The following SH3KBP1 variants were observed in gnomAD, a reference collection of about 807,000 sequenced individuals.
SH3KBP1 encodes SH3 domain-containing kinase-binding protein 1.
A neutral mutation model predicts 50.1 loss-of-function variants in SH3KBP1; 8 were observed. The observed-to-expected ratio is 0.16, with a 90% CI of 0.09 to 0.29. SH3KBP1 has a LOEUF of 0.29. SH3KBP1 is among the 10% of genes least tolerant of loss of function. The pLI is 1.00. For missense variants in SH3KBP1, 377 were observed against 535.2 expected, an observed-to-expected ratio of 0.70 and a Z score of 2.92; for synonymous variants, 227 against 218.6, an observed-to-expected ratio of 1.04 and a Z score of -0.34.
chrX:19,557,039 T>A (rs900342316), intron 13 of SH3KBP1, among the ~76,000 whole-genome samples: 2 of 111,529 alleles, frequency 1.8e-5, no homozygotes, highest in Non-Finnish European at 3.8e-5. Context: ...ATGCTTCGCA[T>A]GCACACACCC....
chrX:19,703,381 GT>G (rs2148663515), intron 4 of SH3KBP1, among the ~76,000 whole-genome samples: 1 of 110,940 alleles, frequency 9.0e-6, no homozygotes, highest in Admixed American at 9.6e-5. Context: ...AAGATAAGGG[GT>G]TGGAGGCGGG....
chrX:19,798,720 A>G (rs1017054230), intron 2 of SH3KBP1, among the ~76,000 whole-genome samples: 7 of 112,158 alleles, frequency 6.2e-5, no homozygotes, highest in African/African-American at 2.3e-4. Context: ...ACTGACCATG[A>G]GAACTTGGTG....
chrX:19,811,916 A>G (rs2067217230), intron 2 of SH3KBP1, among the ~76,000 whole-genome samples: 1 of 111,753 alleles, frequency 8.9e-6, no homozygotes, highest in Admixed American at 9.5e-5. Context: ...CAGTGTAAAG[A>G]GGACATAGTC....
rs769589781 is a variant in SH3KBP1, at chrX:19,663,849, G to A, written c.727-18374C>T. The stretch of plus-strand genomic sequence containing the variant: ...GCCTGTAATCCTAGCATTTTGGGAA[G>A]CCAAGGCAAGAGGACCACCTGACGC... On this transcript the variant is annotated intron_variant, in intron 6 of 17. Transcript: ENST00000397821. 4.0e-3 allele frequency among the ~76,000 whole-genome samples: 448 copies of A among 112,293 alleles called. 1 individual carries two copies. Among genetic ancestry groups the A allele is most frequent in the Non-Finnish European group, 6.4e-3 (342 of 53,246 alleles).
chrX:19,542,444 A>G (rs1290159033), intron 15 of SH3KBP1, among the ~76,000 whole-genome samples: 1 of 111,787 alleles, frequency 8.9e-6, no homozygotes, highest in Non-Finnish European at 1.9e-5. Flanking sequence ...CTGGTTCAAT[A>G]TACACATTGA....
intron 1 of SH3KBP1, among the ~76,000 whole-genome samples, chrX:19,848,257 T>A (rs2068414660): frequency 8.9e-6 from 1 of 111,910 alleles, no homozygotes; most frequent in Non-Finnish European, 1.9e-5. Flanking sequence ...GGCCATCTTG[T>A]CACACCAAGA....
chrX:19,575,171 A>G (rs962095930), intron 12 of SH3KBP1, among the ~76,000 whole-genome samples: 1 of 112,726 alleles, frequency 8.9e-6, no homozygotes, highest in East Asian at 2.8e-4. Flanking sequence ...CACACAAATG[A>G]AAAACAAAGG....
chrX:19,760,713 T>C (rs2065396186), intron 2 of SH3KBP1, among the ~76,000 whole-genome samples: 1 of 110,890 alleles, frequency 9.0e-6, no homozygotes, highest in Admixed American at 9.6e-5. Flanking sequence ...CTCAGTTTTG[T>C]TAGTTTATCA....
intron 4 of SH3KBP1, among the ~76,000 whole-genome samples, chrX:19,696,483 C>T (rs2063417823): frequency 9.0e-6 from 1 of 111,023 alleles, no homozygotes; most frequent in Non-Finnish European, 1.9e-5. Flanking sequence ...TAAGATGAAC[C>T]GAAAGGGGGT....
chrX:19,776,544 T>TTTTTTG (rs2065986294), intron 2 of SH3KBP1, among the ~76,000 whole-genome samples: 1 of 84,185 alleles, frequency 1.2e-5, no homozygotes, highest in African/African-American at 4.5e-5. Flanking sequence ...TTTTTTTTTT[T>TTTTTTG]TTTTTTTTTT....
At chrX:19,679,070 C>G (rs761322834) in intron 6 of SH3KBP1, among the ~76,000 whole-genome samples, 27 of 111,379 alleles carry the variant, frequency 2.4e-4, no homozygotes, top group Non-Finnish European at 4.1e-4. Context: ...GGTTTTCAGC[C>G]TAAACATCAC....
intron 13 of SH3KBP1, among the ~76,000 whole-genome samples, chrX:19,551,792 T>A (rs2065249867): frequency 9.0e-6 from 1 of 110,704 alleles, no homozygotes; most frequent in Admixed American, 9.6e-5. Flanking sequence ...GGGACTCTCC[T>A]CTACTGAGTC....
rs1355215775 is a variant in SH3KBP1, at chrX:19,798,488, C to T, written c.162+37637G>A. The stretch of plus-strand genomic sequence containing the variant: ...ACGGGAAAGGGGTCTTTTGAATTAT[C>T]ACTCTCCCCAAGGACCTGTAACACA... On this transcript the variant is annotated intron_variant, in intron 2 of 17. Coordinates refer to ENST00000397821, the MANE Select transcript of SH3KBP1 (RefSeq NM_031892.3). Among the ~76,000 whole-genome samples, 4 of 111,402 alleles carry T rather than the reference C, an allele frequency of 3.6e-5. No homozygotes were observed. In the South Asian group the frequency reaches 1.1e-3, roughly 31 times the overall value.
intron 2 of SH3KBP1, among the ~76,000 whole-genome samples, chrX:19,806,407 T>C (rs1210075254): frequency 1.2e-4 from 13 of 110,810 alleles, no homozygotes; most frequent in Admixed American, 1.1e-3. Context: ...TCCCAGCTAC[T>C]TGGGAGGCTG....
intron 7 of SH3KBP1, among the ~76,000 whole-genome samples, chrX:19,640,325 A>G: frequency 1.8e-5 from 2 of 111,054 alleles, no homozygotes; most frequent in Middle Eastern, 4.6e-3. Context: ...CTACACATCT[A>G]TCTTCACTTG....
At chrX:19,757,737 G>A (rs889728309) in intron 2 of SH3KBP1, among the ~76,000 whole-genome samples, 4 of 110,747 alleles carry the variant, frequency 3.6e-5, no homozygotes, top group Non-Finnish European at 5.7e-5. Flanking sequence ...TCTCCCGGGC[G>A]TGCGTCCTTA....
At chrX:19,800,769 C>T (rs2066866603) in intron 2 of SH3KBP1, among the ~76,000 whole-genome samples, 1 of 112,080 alleles carries the variant, frequency 8.9e-6, no homozygotes, top group Non-Finnish European at 1.9e-5. Flanking sequence ...TTATTACTCT[C>T]AAGCCTATTG....
intron 7 of SH3KBP1, among the ~76,000 whole-genome samples, chrX:19,632,448 C>A (rs181618163): frequency 1.8e-5 from 2 of 112,745 alleles, no homozygotes; most frequent in Admixed American, 9.4e-5. Flanking sequence ...CATTATGGTA[C>A]GTCTTAAGAG....
chrX:19,751,698 A>ATTTT (rs1346415514), intron 2 of SH3KBP1, among the ~76,000 whole-genome samples: 1 of 111,984 alleles, frequency 8.9e-6, no homozygotes, highest in Non-Finnish European at 1.9e-5. Flanking sequence ...GGACCACTTG[A>ATTTT]GAAAAGGAAG....
Sources: allele counts gnomAD v4.1 joint callset (sites outside exome capture counted in the v4.1 genomes callset), GRCh38; gene constraint gnomAD v4.1.1; transcripts MANE v1.5; gene names NCBI Gene and HGNC (gene_info 2026-07-23, HGNC 2026-07-21).